Variants in PLEK observed in about 807,000 individuals in gnomAD.
PLEK encodes the protein pleckstrin, also known as platelet 47 kDa protein.
In PLEK, 25 loss-of-function variants were observed where a neutral mutation model predicts 43.9. The ratio of observed to expected loss-of-function variants is 0.57; its 90% CI spans 0.41 to 0.79. The LOEUF (loss-of-function observed/expected upper bound fraction) is 0.79, where lower values mean the gene tolerates loss of function less well. PLEK is among the 30% of genes least tolerant of loss of function. PLEK has a pLI of 0.00. For missense variants in PLEK, 396 were observed against 413.3 expected (o/e 0.96, Z 0.36); for synonymous variants, 152 against 144.4 (o/e 1.05, Z -0.38).
chr2:68,381,251 G>C (rs1288620217), intron 3 of PLEK, among the ~76,000 whole-genome samples: 1 of 152,158 alleles, frequency 6.6e-6, no homozygotes, highest in Non-Finnish European at 1.5e-5. Context: ...AAAAAGCAGG[G>C]GCTATGCATC....
At chr2:68,378,055 G>A (rs1043290689) in intron 1 of PLEK, among the ~76,000 whole-genome samples, 2 of 152,088 alleles carry the variant, frequency 1.3e-5, no homozygotes, top group Non-Finnish European at 2.9e-5. Context: ...GTATACATAT[G>A]TATTTAAAGA....
rs746003545 is a variant in PLEK at position 68,380,842 on chromosome 2, C to T, written c.318C>T (p.Gly106=). The change falls in exon 3 of 9, where the codon GGC becomes GGT. Residue 106 remains glycine (G), a synonymous_variant. Coordinates refer to ENST00000234313, the MANE Select transcript of PLEK (RefSeq NM_002664.3). The part of the protein sequence containing the change: ...IKKAIKCIEG[G]QKFARKSTRR... ...AGGCCATTAAATGCATTGAAGGAGG[C>T]CAGAAATTTGCCAGGAAATCTACCA... The T allele has an allele frequency of 6.2e-7, 1 of 1,613,902 alleles. No homozygotes were observed. Among genetic ancestry groups the T allele is most frequent in the South Asian group, 1.1e-5 (1 of 91,078 alleles).
At chr2:68,386,078 A>AT (rs1279724465) in intron 4 of PLEK, among the ~76,000 whole-genome samples, 1 of 149,230 alleles carries the variant, frequency 6.7e-6, no homozygotes. Flanking sequence ...TAAAGTTATT[A>AT]TTTTTTTATT....
chr2:68,380,051 A>G (rs1204183572), intron 1 of PLEK, among the ~76,000 whole-genome samples: 1 of 152,258 alleles, frequency 6.6e-6, no homozygotes, highest in South Asian at 2.1e-4. Context: ...CTTGAAGGAT[A>G]TGGAGAGGTT....
chr2:68,365,477 C>G (rs1481393332), intron 1 of PLEK, 84 bp downstream of exon 1: 1 of 1,065,320 alleles, frequency 9.4e-7, no homozygotes, highest in Non-Finnish European at 1.5e-6. Context: ...ACCTGCTCAT[C>G]TTAGGAATGT....
At chr2:68,393,363 CT>C (rs907188028) in intron 7 of PLEK, 118 bp downstream of exon 7, 21 of 698,030 alleles carry the variant, frequency 3.0e-5, no homozygotes, top group African/African-American at 1.3e-4. Flanking sequence ...TACTGGCCCA[CT>C]TTTTTTTCTC....
At chr2:68,384,989 C>T (rs894454804) in intron 4 of PLEK, among the ~76,000 whole-genome samples, 1 of 152,196 alleles carries the variant, frequency 6.6e-6, no homozygotes, top group Non-Finnish European at 1.5e-5. Flanking sequence ...ATGGAAGGCT[C>T]GCTATCCAAC....
intron 1 of PLEK, among the ~76,000 whole-genome samples, chr2:68,376,600 C>A (rs1436924415): frequency 1.3e-5 from 2 of 150,340 alleles, no homozygotes. Flanking sequence ...ATAATGTGAT[C>A]TTATTTTTAA....
At chr2:68,388,261 T>C in intron 5 of PLEK, 126 bp from the exon 6 acceptor site, 2 of 645,562 alleles carry the variant, frequency 3.1e-6, no homozygotes, top group Non-Finnish European at 5.7e-6. Context: ...GATTGGGATG[T>C]ACACAGGAAT....
At chr2:68,388,551 T>C in intron 6 of PLEK, 60 bp downstream of exon 6, 1 of 886,912 alleles carries the variant, frequency 1.1e-6, no homozygotes, top group African/African-American at 1.6e-5. Flanking sequence ...TTTTTGTTTC[T>C]AAGTTACCCA....
intron 4 of PLEK, among the ~76,000 whole-genome samples, chr2:68,386,263 C>T (rs909505258): frequency 3.3e-5 from 5 of 151,990 alleles, no homozygotes; most frequent in African/African-American, 9.7e-5. Context: ...CATACCTGGT[C>T]ATGTGTTTCT....
chr2:68,374,638 T>C (rs575718713), intron 1 of PLEK, among the ~76,000 whole-genome samples: 140 of 152,312 alleles, frequency 9.2e-4, no homozygotes, highest in Middle Eastern at 3.4e-3. Context: ...ACATTTCTAG[T>C]ATGCTATAAA....
chr2:68,380,123 G>T (rs1673582471), intron 1 of PLEK, among the ~76,000 whole-genome samples: 2 of 152,154 alleles, frequency 1.3e-5, no homozygotes, highest in Admixed American at 1.3e-4. Flanking sequence ...AATGGGGTTG[G>T]CTTGAGCAAA....
chr2:68,371,028 G>A (rs1467697237), intron 1 of PLEK, among the ~76,000 whole-genome samples: 1 of 152,150 alleles, frequency 6.6e-6, no homozygotes, highest in Admixed American at 6.5e-5. Flanking sequence ...GCAAGCCCAA[G>A]GGTTAGCAGG....
chr2:68,392,729 A>G (rs1174873439), intron 6 of PLEK, among the ~76,000 whole-genome samples: 1 of 152,244 alleles, frequency 6.6e-6, no homozygotes, highest in Non-Finnish European at 1.5e-5. Flanking sequence ...GCCCACAATT[A>G]CATATTCCCT....
At position 68,395,843 on chromosome 2, in the gene PLEK, C is replaced by G. The variant is rs1195999583; in HGVS notation, c.*27C>G. 1.9e-6 allele frequency: 3 copies of G among 1,604,536 alleles called. No homozygotes were observed. Among genetic ancestry groups the G allele is most frequent in the Non-Finnish European group, 1.7e-6 (2 of 1,171,764 alleles). ...GAGACTCCTGCATTCCTCCTCCCCT[C>G]CTGAGGGAAGCCCATGGACAAGCTC... On this transcript the variant is annotated 3_prime_UTR_variant, in exon 9 of 9. Transcript: ENST00000234313.
At chr2:68,379,594 G>A (rs538345224) in intron 1 of PLEK, among the ~76,000 whole-genome samples, 19 of 152,226 alleles carry the variant, frequency 1.2e-4, no homozygotes, top group African/African-American at 4.3e-4. Flanking sequence ...TACACATAGC[G>A]GGGGTGAGAA....
At chr2:68,390,311 G>A (rs1347702471) in intron 6 of PLEK, among the ~76,000 whole-genome samples, 1 of 152,220 alleles carries the variant, frequency 6.6e-6, no homozygotes, top group Admixed American at 6.5e-5. Context: ...TTTAATCAGA[G>A]CCTCTGGATT....
At chr2:68,395,293 C>A (rs1673943469) in intron 8 of PLEK, among the ~76,000 whole-genome samples, 1 of 151,238 alleles carries the variant, frequency 6.6e-6, no homozygotes. Flanking sequence ...ATATCAGGAG[C>A]AACCCTTGAT....
Sources: allele counts gnomAD v4.1 joint callset (sites outside exome capture counted in the v4.1 genomes callset), GRCh38; gene constraint gnomAD v4.1.1; transcripts MANE v1.5; gene names NCBI Gene and HGNC (gene_info 2026-07-23, HGNC 2026-07-21).